The following STARD3 variants were observed in gnomAD, a reference collection of about 807,000 sequenced individuals.
The protein encoded by STARD3 is StAR related lipid transfer domain containing 3.
A neutral mutation model predicts 62.0 loss-of-function variants in STARD3; 39 were observed. The observed-to-expected ratio is 0.63, with a 90% CI of 0.49 to 0.82. The LOEUF is 0.82. Ranked by LOEUF, STARD3 falls within the 40% of genes least tolerant of loss-of-function variation. STARD3 has a pLI of 0.00. For missense variants in STARD3, 543 were observed against 584.5 expected, an observed-to-expected ratio of 0.93 and a Z score of 0.73; for synonymous variants, 229 against 242.4, an observed-to-expected ratio of 0.94 and a Z score of 0.51.
At chr17:39,662,051 G>C (rs750663528) in intron 13 of STARD3, among the ~76,000 whole-genome samples, 200 bp from the exon 14 acceptor site, 3 of 152,168 alleles carry the variant, frequency 2.0e-5, no homozygotes, top group African/African-American at 2.4e-5. Flanking sequence ...AAGCATCACA[G>C]AGTGGGTGGG....
chr17:39,638,387 C>G (rs1366564242), intron 1 of STARD3, among the ~76,000 whole-genome samples: 1 of 152,206 alleles, frequency 6.6e-6, no homozygotes, highest in Non-Finnish European at 1.5e-5. Flanking sequence ...ATTTACACAG[C>G]TCTCTGTGAT....
chr17:39,650,891 G>C (rs1344973303), intron 1 of STARD3, among the ~76,000 whole-genome samples: 2 of 152,212 alleles, frequency 1.3e-5, no homozygotes, highest in Non-Finnish European at 2.9e-5. Context: ...GAGATGGAGA[G>C]AGTGAGGAAG....
intron 1 of STARD3, 44 bp from the exon 2 acceptor site, chr17:39,653,437 G>T (rs2144978545): frequency 7.5e-7 from 1 of 1,328,814 alleles, no homozygotes; most frequent in East Asian, 2.5e-5. Context: ...GTGTGGGAGG[G>T]ACAGGAGGAG....
At chr17:39,645,977 C>T (rs746476855) in intron 1 of STARD3, among the ~76,000 whole-genome samples, 2 of 141,458 alleles carry the variant, frequency 1.4e-5, no homozygotes, top group African/African-American at 2.6e-5. Context: ...CTGCAACCTT[C>T]GCCCCTCAGG....
intron 1 of STARD3, among the ~76,000 whole-genome samples, chr17:39,643,399 A>T (rs1390733455): frequency 3.3e-5 from 5 of 151,946 alleles, no homozygotes; most frequent in Admixed American, 3.3e-4. Flanking sequence ...TGGCTAGGGG[A>T]CTGTGGGCAG....
intron 1 of STARD3, among the ~76,000 whole-genome samples, chr17:39,641,339 T>C (rs940215673): frequency 4.6e-5 from 7 of 151,938 alleles, no homozygotes. Context: ...CCAGAGTTAC[T>C]TGGGAGGCTG....
intron 2 of STARD3, among the ~76,000 whole-genome samples, chr17:39,656,564 G>A (rs965382576): frequency 2.7e-4 from 41 of 152,166 alleles, no homozygotes; most frequent in Admixed American, 1.2e-3. Flanking sequence ...CTGAGGCTCC[G>A]TCTGACACCA....
intron 13 of STARD3, among the ~76,000 whole-genome samples, chr17:39,661,997 C>T (rs548206522): frequency 1.2e-4 from 19 of 152,234 alleles, no homozygotes; most frequent in African/African-American, 4.6e-4. Flanking sequence ...AGCTCTCTGT[C>T]CCTGGGGGTG....
chr17:39,663,954 G>T lies in STARD3; in HGVS notation c.*1046G>T, dbSNP rs1439766949. 6.6e-6 allele frequency among the ~76,000 whole-genome samples: 1 copy of T among 152,072 alleles called. No individual in the cohort carries two copies. The highest frequency in any genetic ancestry group is 1.5e-5 in the Non-Finnish European group (1 of 68,010). On this transcript the variant is annotated 3_prime_UTR_variant, in exon 15 of 15. Coordinates refer to ENST00000336308, the MANE Select transcript of STARD3 (RefSeq NM_006804.4). ...TCACACCAGGGGCGGCCTGGAGCCC[G>T]GATCGCAGGGCGGGGCCAGGCCACT...
chr17:39,645,236 T>A (rs574162833), intron 1 of STARD3, among the ~76,000 whole-genome samples: 1 of 152,208 alleles, frequency 6.6e-6, no homozygotes, highest in East Asian at 1.9e-4. Flanking sequence ...AGTCCTCTAC[T>A]TCCTGCCCCT....
At chr17:39,655,510 T>C (rs1457790168) in intron 2 of STARD3, among the ~76,000 whole-genome samples, 1 of 152,170 alleles carries the variant, frequency 6.6e-6, no homozygotes, top group African/African-American at 2.4e-5. Flanking sequence ...TGAAGTTATT[T>C]GGCTGTGTTG....
intron 1 of STARD3, among the ~76,000 whole-genome samples, chr17:39,639,464 T>C (rs1327646097): frequency 6.6e-6 from 1 of 152,146 alleles, no homozygotes; most frequent in Non-Finnish European, 1.5e-5. Flanking sequence ...TGACAGTTAA[T>C]GGGGCCTATA....
At chr17:39,661,894 G>T (rs1199238592) in intron 13 of STARD3, among the ~76,000 whole-genome samples, 3 of 152,240 alleles carry the variant, frequency 2.0e-5, no homozygotes, top group Admixed American at 6.5e-5. Context: ...TCCTGAAGGG[G>T]AAGGGGTAAG....
At chr17:39,648,793 G>C (rs1326132779) in intron 1 of STARD3, among the ~76,000 whole-genome samples, 1 of 152,298 alleles carries the variant, frequency 6.6e-6, no homozygotes, top group Non-Finnish European at 1.5e-5. Flanking sequence ...CAACACCTCT[G>C]CTCTAGCCCC....
intron 2 of STARD3, among the ~76,000 whole-genome samples, chr17:39,655,525 C>T (rs949837284): frequency 1.3e-5 from 2 of 152,094 alleles, no homozygotes; most frequent in Non-Finnish European, 2.9e-5. Flanking sequence ...GTGTTGGCTG[C>T]GATTGCTCTG....
intron 1 of STARD3, among the ~76,000 whole-genome samples, chr17:39,646,925 G>A (rs576032941): frequency 1.3e-5 from 2 of 151,870 alleles, no homozygotes; most frequent in African/African-American, 2.4e-5. Context: ...ACTTTTGCCC[G>A]GCGTGGTGGC....
At chr17:39,639,862 T>C (rs1597785783) in intron 1 of STARD3, among the ~76,000 whole-genome samples, 1 of 152,212 alleles carries the variant, frequency 6.6e-6, no homozygotes, top group East Asian at 1.9e-4. Context: ...TGCTGACTCT[T>C]CAAGGCCAGG....
Position 39,657,001 on chromosome 17 carries a change from C to G in STARD3, c.220-7C>G, listed in dbSNP as rs762476245. ...CCTGCAGAGCTCTTCCTGTCTCCCT[C>G]TCACAGACCAACACAGGCATCCGTA... On this transcript the variant is annotated splice_region_variant and splice_polypyrimidine_tract_variant and intron_variant, in intron 2 of 14. Coordinates refer to ENST00000336308, the MANE Select transcript of STARD3 (RefSeq NM_006804.4). The G allele has an allele frequency of 2.6e-5, 42 of 1,613,992 alleles. No homozygotes were observed. The highest frequency in any genetic ancestry group is 3.3e-5 in the Non-Finnish European group (39 of 1,179,992).
At position 39,658,521 on chromosome 17, in the gene STARD3, A is replaced by G; in HGVS notation, c.546A>G (p.Arg182=). ...KVLPQEAEEE[R]WYLAAQVAVA... ...TACCCCAGGAAGCTGAAGAGGAGCG[A>G]TGTGAGTGCTTGCGGGTAGGGGGGT... Residue 182 remains arginine (R), a splice_region_variant and synonymous_variant, in exon 6 of 15, where the codon CGA becomes CGG. Transcript: ENST00000336308. The G allele has an allele frequency of 6.2e-7, 1 of 1,613,524 alleles. No homozygotes were observed. Among genetic ancestry groups the G allele is most frequent in the Non-Finnish European group, 8.5e-7 (1 of 1,179,676 alleles).
Sources: gnomAD v4.1 joint callset for allele counts (sites outside exome capture counted in the v4.1 genomes callset) on GRCh38, gnomAD v4.1.1 for gene constraint, MANE v1.5 for transcripts, NCBI Gene and HGNC (gene_info 2026-07-23, HGNC 2026-07-21) for gene names.